The following WASF1 variants were observed in gnomAD, a reference collection of about 807,000 sequenced individuals.
WASF1 encodes the protein WASP family member 1, also known as actin-binding protein WASF1.
A neutral mutation model predicts 50.5 loss-of-function variants in WASF1; 7 were observed. The ratio of observed to expected loss-of-function variants is 0.14; its 90% CI spans 0.08 to 0.26. The LOEUF is 0.26. Ranked by LOEUF, WASF1 falls within the 10% of genes least tolerant of loss-of-function variation. The pLI is 1.00. For synonymous variants in WASF1, 205 were observed against 244.0 expected (o/e 0.84, Z 1.49); for missense variants, 470 against 694.7 (o/e 0.68, Z 3.64).
In WASF1 at chr6:110,155,536, C is replaced by CTTTTTT. The variant is rs66645132; in HGVS notation, c.-29+5093_-29+5098dup. On this transcript the variant is annotated intron_variant, in intron 3 of 10. Transcript: ENST00000392589. The stretch of plus-strand genomic sequence containing the variant: ...GACTACATTATTTCTAAAGTGCCTT[C>CTTTTTT]TTTTTTTTTTTTTTTTTTTTTTTTT... Among the ~76,000 whole-genome samples the CTTTTTT allele has an allele frequency of 9.0e-3, 413 of 45,944 alleles. 1 individual carries two copies. The highest frequency in any genetic ancestry group is 0.012 in the Non-Finnish European group (316 of 25,452). The allele number at this position is 45,944 out of a possible 152,430, so 30.1% of individuals were successfully genotyped here.
At chr6:110,138,876 GC>G (rs1300104342) in intron 3 of WASF1, among the ~76,000 whole-genome samples, 1 of 152,152 alleles carries the variant, frequency 6.6e-6, no homozygotes, top group Non-Finnish European at 1.5e-5. Context: ...CAGGCTACAG[GC>G]CTTCCCTGGC....
chr6:110,118,083 G>A (rs527258609), intron 4 of WASF1, among the ~76,000 whole-genome samples: 2 of 152,094 alleles, frequency 1.3e-5, no homozygotes, highest in East Asian at 1.9e-4. Context: ...GAACATCGAT[G>A]CTAGGAAGAA....
At chr6:110,113,221 G>C (rs1403560050) in intron 5 of WASF1, 105 bp downstream of exon 5, 2 of 1,010,882 alleles carry the variant, frequency 2.0e-6, no homozygotes, top group East Asian at 6.4e-5. Context: ...AAAGGACATG[G>C]GTATGATCTG....
intron 5 of WASF1, among the ~76,000 whole-genome samples, chr6:110,110,358 G>A (rs1773502945): frequency 6.6e-6 from 1 of 152,148 alleles, no homozygotes; most frequent in African/African-American, 2.4e-5. Context: ...CTGTTCTCAG[G>A]CTCCTGCCAG....
intron 4 of WASF1, among the ~76,000 whole-genome samples, chr6:110,115,732 T>C (rs919110228): frequency 1.3e-5 from 2 of 152,254 alleles, no homozygotes; most frequent in African/African-American, 2.4e-5. Flanking sequence ...GGAGGGATTA[T>C]ACCATCAAAG....
intron 2 of WASF1, among the ~76,000 whole-genome samples, chr6:110,169,769 C>T (rs1776623368): frequency 6.6e-6 from 1 of 152,086 alleles, no homozygotes; most frequent in South Asian, 2.1e-4. Context: ...TTAGTTTCCA[C>T]CACAAATAAT....
intron 2 of WASF1, among the ~76,000 whole-genome samples, chr6:110,173,267 A>G (rs1429825906): frequency 6.6e-6 from 1 of 152,144 alleles, no homozygotes; most frequent in Non-Finnish European, 1.5e-5. Flanking sequence ...TTAGGAATAA[A>G]GAATGGCTAC....
intron 2 of WASF1, among the ~76,000 whole-genome samples, chr6:110,172,807 G>C (rs967297392): frequency 3.3e-5 from 5 of 152,072 alleles, no homozygotes; most frequent in Non-Finnish European, 7.4e-5. Flanking sequence ...TGGTGGGTGA[G>C]GGGTGAGAAA....
chr6:110,101,694 T>C lies in WASF1; in HGVS notation c.1416A>G (p.Pro472=), dbSNP rs765834446. Residue 472 remains proline, a synonymous_variant, in exon 10 of 11, where the codon CCA becomes CCG. Coordinates refer to ENST00000392589, the MANE Select transcript of WASF1 (RefSeq NM_003931.3). ...APGPHVPLMP[P]SPPSQVIPAS... The stretch of plus-strand genomic sequence containing the variant: ...CAGGTATAACTTGTGATGGAGGAGA[T>C]GGAGGCATTAATGGAACATGGGGAC... The C allele has an allele frequency of 3.7e-6, 6 of 1,614,052 alleles. No individual in the cohort carries two copies. Among genetic ancestry groups the C allele is most frequent in the South Asian group, 2.2e-5 (2 of 91,066 alleles).
chr6:110,121,443 T>C (rs982231390), intron 4 of WASF1, among the ~76,000 whole-genome samples: 5 of 152,210 alleles, frequency 3.3e-5, no homozygotes, highest in African/African-American at 1.2e-4. Flanking sequence ...ATGCTCATCA[T>C]CCCTGGTCAT....
chr6:110,122,891 T>A lies in WASF1; in HGVS notation c.133+4578A>T, dbSNP rs188845653. ...TCTGTGCCCCTTACCCCTACACTGT[T>A]CAAGGGCCAACTGTATTTTAAACTT... On this transcript the variant is annotated intron_variant, in intron 4 of 10. Transcript: ENST00000392589. 6.4e-4 allele frequency among the ~76,000 whole-genome samples: 98 copies of A among 152,132 alleles called. 1 individual carries two copies. The highest frequency in any genetic ancestry group is 6.8e-3 in the Middle Eastern group (2 of 294).
intron 3 of WASF1, among the ~76,000 whole-genome samples, chr6:110,153,070 G>C (rs1313762039): frequency 6.6e-6 from 1 of 152,114 alleles, no homozygotes; most frequent in East Asian, 1.9e-4. Flanking sequence ...ACTTGTTTAT[G>C]GAAATTTGGG....
At chr6:110,109,187 T>G (rs1411252047) in intron 5 of WASF1, among the ~76,000 whole-genome samples, 1 of 152,232 alleles carries the variant, frequency 6.6e-6, no homozygotes, top group African/African-American at 2.4e-5. Flanking sequence ...AAACAAACTT[T>G]ACTGTAAAGG....
At chr6:110,168,141 C>T (rs1776552333) in intron 2 of WASF1, among the ~76,000 whole-genome samples, 1 of 151,928 alleles carries the variant, frequency 6.6e-6, no homozygotes, top group South Asian at 2.1e-4. Flanking sequence ...CTTTCTGGTC[C>T]TAACATGACC....
chr6:110,135,721 CT>C (rs139834112), intron 3 of WASF1, among the ~76,000 whole-genome samples: 863 of 73,522 alleles, frequency 0.012, 3 homozygotes, highest in African/African-American at 0.034. Context: ...GGAAGATTAT[CT>C]TTTTTTTTTT....
chr6:110,144,125 T>A (rs1775412576), intron 3 of WASF1, among the ~76,000 whole-genome samples: 1 of 152,310 alleles, frequency 6.6e-6, no homozygotes. Flanking sequence ...CCAGCACCTG[T>A]TGTTTCCTGA....
At chr6:110,174,360 CT>C (rs1250356825) in intron 2 of WASF1, among the ~76,000 whole-genome samples, 1 of 152,046 alleles carries the variant, frequency 6.6e-6, no homozygotes, top group Non-Finnish European at 1.5e-5. Context: ...GAGACCTGTC[CT>C]TTTTAGCACC....
At position 110,127,611 on chromosome 6, in the gene WASF1, A is replaced by C; in HGVS notation, c.-10T>G. 6.5e-7 allele frequency: 1 copy of C among 1,538,712 alleles called. No individual in the cohort carries two copies. Among genetic ancestry groups the C allele is most frequent in the Non-Finnish European group, 8.7e-7 (1 of 1,144,250 alleles). On this transcript the variant is annotated 5_prime_UTR_variant, in exon 4 of 11. Transcript: ENST00000392589. ...TTTTCACTAGCGGCATCTTGAGATTAACCTTTGTGCCAGTTCACCTGTAGG... is the reference window on the plus strand; with the variant it reads ...TTTTCACTAGCGGCATCTTGAGATTCACCTTTGTGCCAGTTCACCTGTAGG...
At position 110,152,043 on chromosome 6, in the gene WASF1, T is replaced by C. The variant is rs538388093; in HGVS notation, c.-29+8592A>G. Among the ~76,000 whole-genome samples the C allele has an allele frequency of 5.9e-5, 9 of 152,326 alleles. No homozygotes were observed. In the South Asian group the frequency reaches 1.4e-3, roughly 25 times the overall value. On this transcript the variant is annotated intron_variant, in intron 3 of 10. Coordinates refer to ENST00000392589, the MANE Select transcript of WASF1 (RefSeq NM_003931.3). ...AGATGGCCGCATGATATCCAGTCCC[T>C]AGCACTATTCCTATGATTATATTAC...
Sources: gnomAD v4.1 joint callset for allele counts (sites outside exome capture counted in the v4.1 genomes callset) on GRCh38, gnomAD v4.1.1 for gene constraint, MANE v1.5 for transcripts, NCBI Gene and HGNC (gene_info 2026-07-23, HGNC 2026-07-21) for gene names.